Variants in ULK4 observed in about 807,000 individuals in gnomAD.
ULK4 encodes the protein unc-51 like kinase 4.
Under a neutral mutation model 160.6 loss-of-function variants are expected in ULK4, and 133 were observed. That is an observed-to-expected ratio of 0.83 (90% confidence interval 0.72 to 0.96). The LOEUF (loss-of-function observed/expected upper bound fraction) is 0.96. ULK4 is among the 40% of genes least tolerant of loss of function. The pLI, the probability that ULK4 is intolerant of heterozygous loss-of-function variation, is 0.00. For missense variants in ULK4, 1,580 were observed against 1,499.5 expected (o/e 1.05, Z -0.89); for synonymous variants, 534 against 539.8 (o/e 0.99, Z 0.15).
At chr3:41,253,062 A>G (rs936421739) in intron 35 of ULK4, among the ~76,000 whole-genome samples, 1 of 152,152 alleles carries the variant, frequency 6.6e-6, no homozygotes, top group Non-Finnish European at 1.5e-5. Context: ...ATGATATCAT[A>G]GTTTCAAAAT....
At chr3:41,613,992 G>C (rs1371378167) in intron 31 of ULK4, among the ~76,000 whole-genome samples, 1 of 152,196 alleles carries the variant, frequency 6.6e-6, no homozygotes, top group Non-Finnish European at 1.5e-5. Flanking sequence ...TCAAATTGTG[G>C]CATTAATCAA....
intron 1 of ULK4, among the ~76,000 whole-genome samples, chr3:41,956,074 G>A (rs551685782): frequency 5.9e-5 from 9 of 152,280 alleles, no homozygotes; most frequent in African/African-American, 1.9e-4. Flanking sequence ...AAGGACCAGA[G>A]GCTATTCCCT....
chr3:41,469,894 C>G (rs2083933253), intron 32 of ULK4, among the ~76,000 whole-genome samples: 1 of 150,464 alleles, frequency 6.6e-6, no homozygotes, highest in Non-Finnish European at 1.5e-5. Context: ...CTGAAATTAT[C>G]CAATCAGAGC....
intron 32 of ULK4, among the ~76,000 whole-genome samples, chr3:41,540,420 C>G (rs2086656210): frequency 6.6e-6 from 1 of 152,182 alleles, no homozygotes; most frequent in Non-Finnish European, 1.5e-5. Flanking sequence ...GCCACATTTT[C>G]TTTATCCATT....
chr3:41,395,372 C>G (rs1488038625), intron 35 of ULK4, among the ~76,000 whole-genome samples: 1 of 151,946 alleles, frequency 6.6e-6, no homozygotes, highest in Admixed American at 6.6e-5. Context: ...AAAGGTGGAA[C>G]AACACAAATG....
At chr3:41,608,682 C>G (rs2032505988) in intron 31 of ULK4, among the ~76,000 whole-genome samples, 1 of 152,120 alleles carries the variant, frequency 6.6e-6, no homozygotes, top group African/African-American at 2.4e-5. Flanking sequence ...AGCCTGAAAC[C>G]AAAGTTGGCC....
At chr3:41,613,995 T>C (rs1443004419) in intron 31 of ULK4, among the ~76,000 whole-genome samples, 1 of 152,226 alleles carries the variant, frequency 6.6e-6, no homozygotes, top group African/African-American at 2.4e-5. Context: ...AATTGTGGCA[T>C]TAATCAATTA....
At chr3:41,279,882 G>A (rs1309321763) in intron 35 of ULK4, among the ~76,000 whole-genome samples, 2 of 152,084 alleles carry the variant, frequency 1.3e-5, no homozygotes, top group Non-Finnish European at 2.9e-5. Context: ...TCAGTGTGCT[G>A]TATTCAGGAA....
chr3:41,917,286 TC>T, intron 7 of ULK4, among the ~76,000 whole-genome samples: 1 of 152,074 alleles, frequency 6.6e-6, no homozygotes, highest in African/African-American at 2.4e-5. Flanking sequence ...GGCGGATCAC[TC>T]GAGGCCAGGA....
At chr3:41,432,685 T>C (rs1575551556) in intron 34 of ULK4, among the ~76,000 whole-genome samples, 2 of 152,354 alleles carry the variant, frequency 1.3e-5, no homozygotes, top group East Asian at 3.9e-4. Context: ...TTATGATGCA[T>C]GGAATAAATA....
At chr3:41,656,500 T>C (rs1365741053) in intron 30 of ULK4, among the ~76,000 whole-genome samples, 2 of 152,230 alleles carry the variant, frequency 1.3e-5, no homozygotes, top group African/African-American at 4.8e-5. Flanking sequence ...CATTAAATAC[T>C]AAGCATCCTT....
chr3:41,288,939 C>T (rs920345753), intron 35 of ULK4, among the ~76,000 whole-genome samples: 21 of 152,084 alleles, frequency 1.4e-4, no homozygotes, highest in African/African-American at 4.8e-4. Flanking sequence ...TTCAGGTTCA[C>T]GATGGAGCAG....
intron 31 of ULK4, among the ~76,000 whole-genome samples, chr3:41,600,130 G>A (rs535280147): frequency 6.6e-6 from 1 of 152,204 alleles, no homozygotes; most frequent in Non-Finnish European, 1.5e-5. Flanking sequence ...TAACTCCTTA[G>A]CACAGACTAA....
intron 2 of ULK4, among the ~76,000 whole-genome samples, chr3:41,951,338 TC>T (rs1700289865): frequency 6.7e-6 from 1 of 148,736 alleles, no homozygotes; most frequent in African/African-American, 2.5e-5. Flanking sequence ...ACTAGAAAAA[TC>T]TATCCGAAAA....
intron 32 of ULK4, among the ~76,000 whole-genome samples, chr3:41,504,124 A>G (rs1306907456): frequency 1.3e-5 from 2 of 152,302 alleles, no homozygotes; most frequent in African/African-American, 4.8e-5. Context: ...TTGTCCCTAC[A>G]CATTGGCATG....
intron 21 of ULK4, among the ~76,000 whole-genome samples, chr3:41,772,271 G>C (rs2039416307): frequency 6.6e-6 from 1 of 152,116 alleles, no homozygotes; most frequent in Non-Finnish European, 1.5e-5. Context: ...AAAAATCAAT[G>C]AATCCAGGAG....
chr3:41,588,341 AT>A (rs2030989937), intron 31 of ULK4, among the ~76,000 whole-genome samples: 1 of 152,196 alleles, frequency 6.6e-6, no homozygotes, highest in Non-Finnish European at 1.5e-5. Flanking sequence ...ATATAACTTG[AT>A]TTTTCAAAAT....
At chr3:41,601,209 A>T (rs1288946464) in intron 31 of ULK4, among the ~76,000 whole-genome samples, 1 of 152,186 alleles carries the variant, frequency 6.6e-6, no homozygotes, top group Non-Finnish European at 1.5e-5. Flanking sequence ...GTAAATAACG[A>T]CATTAAAAAT....
chr3:41,721,346 ATATATATATATATATATT>A (rs2037456581), intron 22 of ULK4, among the ~76,000 whole-genome samples: 1 of 49,260 alleles, frequency 2.0e-5, no homozygotes, highest in Non-Finnish European at 3.4e-5. Flanking sequence ...ATATATATAT[ATATATATATATATATATT>A]TTTTTTTTTT....
Sources: allele counts gnomAD v4.1 joint callset (sites outside exome capture counted in the v4.1 genomes callset), GRCh38; gene constraint gnomAD v4.1.1; transcripts MANE v1.5; gene names NCBI Gene and HGNC (gene_info 2026-07-23, HGNC 2026-07-21).